ZC4H2: variants seen among roughly 807,000 people sequenced by gnomAD.
ZC4H2 encodes the protein zinc finger C4H2-type containing.
For missense variants in ZC4H2, 137 were observed against 173.9 expected (o/e 0.79, Z 1.19); for synonymous variants, 84 against 66.3 (o/e 1.27, Z -1.30).
intron 1 of ZC4H2, among the ~76,000 whole-genome samples, chrX:64,962,917 C>T (rs906094958): frequency 9.0e-6 from 1 of 111,353 alleles, no homozygotes; most frequent in African/African-American, 3.3e-5. Context: ...CTTAACCATA[C>T]TACTCAAGGC....
At chrX:64,981,793 T>C (rs1422111742) in intron 1 of ZC4H2, among the ~76,000 whole-genome samples, 1 of 111,215 alleles carries the variant, frequency 9.0e-6, no homozygotes, top group African/African-American at 3.3e-5. Context: ...GCTGGGGTGT[T>C]GAGGGGTGTG....
chrX:65,018,565 G>A (rs1009508740), intron 1 of ZC4H2, among the ~76,000 whole-genome samples: 5 of 111,740 alleles, frequency 4.5e-5, no homozygotes, highest in African/African-American at 9.8e-5. Flanking sequence ...CGGTGCTTAC[G>A]CCACCAAGGC....
intron 1 of ZC4H2, among the ~76,000 whole-genome samples, chrX:64,992,717 C>T (rs1481904533): frequency 2.7e-5 from 3 of 111,409 alleles, no homozygotes; most frequent in Non-Finnish European, 3.8e-5. Flanking sequence ...GTTGATACCG[C>T]CAAGTTCCAT....
At chrX:64,944,028 G>A (rs1414899874) in intron 1 of ZC4H2, among the ~76,000 whole-genome samples, 1 of 110,700 alleles carries the variant, frequency 9.0e-6, no homozygotes, top group Admixed American at 9.7e-5. Flanking sequence ...TAGGCCTGGT[G>A]GTGACAAAAT....
chrX:65,019,520 C>T (rs982045417), intron 1 of ZC4H2, among the ~76,000 whole-genome samples: 1 of 112,031 alleles, frequency 8.9e-6, no homozygotes, highest in Non-Finnish European at 1.9e-5. Context: ...CACTCAGAGA[C>T]CCAATCCAAA....
At chrX:64,932,340 C>T (rs1487050643) in intron 1 of ZC4H2, among the ~76,000 whole-genome samples, 16 of 111,095 alleles carry the variant, frequency 1.4e-4, no homozygotes, top group Non-Finnish European at 5.7e-5. Context: ...TTAAGTGTAG[C>T]GTTGAGGCCC....
Position 64,963,134 on chromosome X carries a change from C to T in ZC4H2, c.53+13191G>A, listed in dbSNP as rs150559070. On this transcript the variant is annotated intron_variant, in intron 1 of 4. Coordinates refer to ENST00000374839, the MANE Select transcript of ZC4H2 (RefSeq NM_018684.4). ...GAGAGCCCAGAAATGAATCCACCCA[C>T]ATACAGTCACTTGATCTTTGACAAA... Among the ~76,000 whole-genome samples the T allele has an allele frequency of 6.8e-3, 762 of 111,685 alleles. 26 individuals carry two copies. In the East Asian group the frequency reaches 0.15, roughly 22 times the overall value.
At chrX:65,025,845 A>G (rs1932874205) in intron 1 of ZC4H2, among the ~76,000 whole-genome samples, 1 of 112,315 alleles carries the variant, frequency 8.9e-6, no homozygotes, top group African/African-American at 3.2e-5. Context: ...AGCTATGGGA[A>G]AATGTGATTA....
chrX:64,919,669 TC>T (rs1227864893), intron 3 of ZC4H2: 2 of 144,375 alleles, frequency 1.4e-5, no homozygotes, highest in Admixed American at 1.6e-4. Context: ...ATGAAGTAAG[TC>T]CCAGGCCACT....
Position 64,917,796 on chromosome X carries a change from T to C in ZC4H2, c.662A>G (p.Lys221Arg). The part of the protein sequence containing the change: ...RSRNPKKPKR[K>R]QDE ...CTCTCCCTTTCTTTATTCATCCTGCTTCCGTTTCGGCTTTTTGGGGTTCCG... is the reference window on the plus strand; with the variant it reads ...CTCTCCCTTTCTTTATTCATCCTGCCTCCGTTTCGGCTTTTTGGGGTTCCG... Residue 221 changes from lysine to arginine, a missense_variant, in exon 5 of 5, where the codon AAG becomes AGG. Physicochemically the swap from Lys to Arg is conservative, Grantham distance 26. Transcript: ENST00000374839. 1 of 1,211,176 alleles carries C rather than the reference T, an allele frequency of 8.3e-7. No homozygotes were observed. Among genetic ancestry groups the C allele is most frequent in the Non-Finnish European group, 1.1e-6 (1 of 895,220 alleles).
chrX:65,033,674 C>G (rs1291940023), intron 1 of ZC4H2, among the ~76,000 whole-genome samples: 1 of 112,187 alleles, frequency 8.9e-6, no homozygotes, highest in Non-Finnish European at 1.9e-5. Flanking sequence ...CTCTGAGCCA[C>G]AGTAAGTTAT....
At chrX:64,999,560 C>T (rs752822707) in intron 1 of ZC4H2, among the ~76,000 whole-genome samples, 11 of 111,829 alleles carry the variant, frequency 9.8e-5, no homozygotes, top group Non-Finnish European at 1.3e-4. Flanking sequence ...CTTTTCATAC[C>T]CCAGTGGCTC....
At chrX:65,029,545 G>A (rs1323058231) in intron 1 of ZC4H2, among the ~76,000 whole-genome samples, 2 of 111,531 alleles carry the variant, frequency 1.8e-5, no homozygotes, top group Non-Finnish European at 3.8e-5. Context: ...GAATGGAAGA[G>A]TCTTGAGTAT....
rs751858628 is a variant in ZC4H2 at position 64,919,123 on chromosome X, A to G, written c.480T>C (p.Ala160=). The change falls in exon 4 of 5, where the codon GCT becomes GCC. Residue 160 remains alanine, a synonymous_variant. Transcript: ENST00000374839. ...PIPESLAAAA[A]AAQQLQVARK... ...TAGCCACTTGGAGCTGTTGGGCGGC[A>G]GCGGCTGCAGCGGCCAGGGACTCAG... The G allele has an allele frequency of 8.3e-7, 1 of 1,204,037 alleles. No individual in the cohort carries two copies. Among genetic ancestry groups the G allele is most frequent in the Admixed American group, 2.2e-5 (1 of 45,297 alleles).
At chrX:64,980,243 C>G (rs912004187), upstream of ZC4H2, among the ~76,000 whole-genome samples, 1 of 112,183 alleles carries the variant, frequency 8.9e-6, no homozygotes, top group Non-Finnish European at 1.9e-5. Context: ...ATAGCAGATA[C>G]GACAGACATG....
chrX:65,033,859 C>T lies in ZC4H2; in HGVS notation c.-272+770G>A, dbSNP rs775285183. The stretch of plus-strand genomic sequence containing the variant: ...ATCCCAGCTCTTCGGGAGGCGGAGG[C>T]GGGCGGATCACTTGAGGTCAGGAGT... On this transcript the variant is annotated intron_variant, in intron 1 of 4. Coordinates refer to the ZC4H2 transcript ENST00000337990. Among the ~76,000 whole-genome samples the T allele has an allele frequency of 1.2e-4, 13 of 110,990 alleles. No individual in the cohort carries two copies. In the East Asian group the frequency reaches 1.7e-3, roughly 14 times the overall value.
rs181888281 is a variant in ZC4H2 at position 65,022,782 on chromosome X, C to G, written c.-272+11847G>C. On this transcript the variant is annotated intron_variant, in intron 1 of 4. Transcript: ENST00000337990. The stretch of plus-strand genomic sequence containing the variant: ...TCAAGGAGAACTACAAACCACTGCT[C>G]AAGGAAATAAGAGAGGACACAAACA... Among the ~76,000 whole-genome samples, 25 of 111,893 alleles carry G rather than the reference C, an allele frequency of 2.2e-4. No homozygotes were observed. In the East Asian group the frequency reaches 7.1e-3, roughly 32 times the overall value.
intron 1 of ZC4H2, among the ~76,000 whole-genome samples, chrX:65,021,425 G>T (rs986981612): frequency 9.0e-6 from 1 of 110,616 alleles, no homozygotes; most frequent in Non-Finnish European, 1.9e-5. Context: ...ATGACTATTG[G>T]GTAAATAACT....
chrX:64,999,999 C>A (rs1040500522), intron 1 of ZC4H2, among the ~76,000 whole-genome samples: 1 of 112,121 alleles, frequency 8.9e-6, no homozygotes, highest in South Asian at 3.8e-4. Context: ...GGGGAAGGGG[C>A]GGTTGTGGGC....
Sources: allele counts gnomAD v4.1 joint callset (sites outside exome capture counted in the v4.1 genomes callset), GRCh38; gene constraint gnomAD v4.1.1; transcripts MANE v1.5; gene names NCBI Gene and HGNC (gene_info 2026-07-23, HGNC 2026-07-21).